Variants in PCDH7 observed in about 807,000 individuals in gnomAD.
PCDH7 encodes protocadherin-7.
In PCDH7, 17 loss-of-function variants were observed where a neutral mutation model predicts 58.9. The ratio of observed to expected loss-of-function variants is 0.29; its 90% CI spans 0.20 to 0.43. The LOEUF (loss-of-function observed/expected upper bound fraction) is 0.43. Ranked by LOEUF, PCDH7 falls within the 20% of genes least tolerant of loss-of-function variation. The pLI is 1.00. For missense variants in PCDH7, 1,274 were observed against 1,441.0 expected (o/e 0.88, Z 1.88); for synonymous variants, 664 against 616.4 (o/e 1.08, Z -1.14).
intron 1 of PCDH7, among the ~76,000 whole-genome samples, chr4:30,803,680 C>G (rs1725821213): frequency 6.6e-6 from 1 of 152,202 alleles, no homozygotes; most frequent in African/African-American, 2.4e-5. Context: ...TTAAAACCAT[C>G]CTCCTGCCTT....
intron 3 of PCDH7, among the ~76,000 whole-genome samples, chr4:31,133,595 T>C (rs1274242168): frequency 6.6e-6 from 1 of 152,190 alleles, no homozygotes; most frequent in Non-Finnish European, 1.5e-5. Flanking sequence ...ACGCTGCTCC[T>C]TCACATGAGT....
intron 3 of PCDH7, among the ~76,000 whole-genome samples, chr4:31,101,588 C>T (rs1475672799): frequency 6.6e-6 from 1 of 152,134 alleles, no homozygotes; most frequent in African/African-American, 2.4e-5. Flanking sequence ...TCTGGAAAAC[C>T]TACTACTCTC....
intron 1 of PCDH7, among the ~76,000 whole-genome samples, chr4:30,766,684 G>A (rs1265179135): frequency 1.3e-5 from 2 of 151,816 alleles, no homozygotes; most frequent in Admixed American, 6.6e-5. Context: ...GTGTGTATAT[G>A]TGTCAGTAAG....
intron 1 of PCDH7, among the ~76,000 whole-genome samples, chr4:30,765,877 G>A (rs1180880070): frequency 6.6e-6 from 1 of 152,096 alleles, no homozygotes; most frequent in Non-Finnish European, 1.5e-5. Context: ...TGTCATTAGA[G>A]GTTTACTAGA....
chr4:31,028,837 G>A lies in PCDH7; in HGVS notation c.*7+78622G>A, dbSNP rs145838416. 6.0e-3 allele frequency among the ~76,000 whole-genome samples: 912 copies of A among 152,104 alleles called. 11 individuals carry two copies. Among genetic ancestry groups the A allele is most frequent in the African/African-American group, 0.021 (858 of 41,464 alleles). On this transcript the variant is annotated intron_variant, in intron 3 of 3. Coordinates refer to the PCDH7 transcript ENST00000509759. ...CATTCTAGAATAATTTGAGGCTTTG[G>A]GAGATAATATATTTATGAAAAAAAT...
At chr4:30,832,225 C>T (rs990830344) in intron 1 of PCDH7, among the ~76,000 whole-genome samples, 3 of 152,104 alleles carry the variant, frequency 2.0e-5, no homozygotes, top group African/African-American at 4.8e-5. Flanking sequence ...AAAAACATCC[C>T]GTGACTCCAC....
intron 3 of PCDH7, among the ~76,000 whole-genome samples, chr4:31,052,810 A>G (rs1178134079): frequency 2.0e-5 from 3 of 152,174 alleles, no homozygotes; most frequent in African/African-American, 4.8e-5. Flanking sequence ...TTGAATTTCA[A>G]ACTATTCTAA....
chr4:31,111,304 ATT>A (rs201052911), intron 3 of PCDH7, among the ~76,000 whole-genome samples: 69,244 of 141,684 alleles, frequency 0.49, 17,907 homozygotes, highest in Non-Finnish European at 0.59. Flanking sequence ...ATTTGTTACA[ATT>A]TTTTTTTTTT....
chr4:30,929,768 A>T (rs1744332434), intron 2 of PCDH7, among the ~76,000 whole-genome samples: 1 of 152,082 alleles, frequency 6.6e-6, no homozygotes, highest in Admixed American at 6.6e-5. Flanking sequence ...GCCCTATATG[A>T]TCTGAGAGCG....
intron 3 of PCDH7, among the ~76,000 whole-genome samples, chr4:31,114,644 CA>C (rs1716770902): frequency 6.6e-6 from 1 of 151,032 alleles, no homozygotes; most frequent in African/African-American, 2.4e-5. Flanking sequence ...CACACACACA[CA>C]CACACACACA....
At chr4:30,957,277 T>C (rs1271771693) in intron 3 of PCDH7, among the ~76,000 whole-genome samples, 1 of 152,154 alleles carries the variant, frequency 6.6e-6, no homozygotes, top group Non-Finnish European at 1.5e-5. Flanking sequence ...AAAAGAATTA[T>C]AAACACAAGC....
At chr4:30,975,085 G>C (rs1273343318) in intron 3 of PCDH7, among the ~76,000 whole-genome samples, 1 of 151,762 alleles carries the variant, frequency 6.6e-6, no homozygotes. Flanking sequence ...CCCTGAGGAG[G>C]AGAGAGACAA....
chr4:30,945,512 C>A (rs1050382073), intron 2 of PCDH7, among the ~76,000 whole-genome samples: 2 of 151,966 alleles, frequency 1.3e-5, no homozygotes, highest in Admixed American at 1.3e-4. Context: ...ATATAGAATT[C>A]ATAATTATTC....
At chr4:30,799,235 TTAGAGCTGAAAG>T (rs1319188061) in intron 1 of PCDH7, among the ~76,000 whole-genome samples, 1 of 152,186 alleles carries the variant, frequency 6.6e-6, no homozygotes, top group Non-Finnish European at 1.5e-5. Flanking sequence ...CTTCAATCTG[TTAGAGCTGAAAG>T]GGCCTATGGC....
intron 3 of PCDH7, among the ~76,000 whole-genome samples, chr4:31,127,497 T>A (rs1718444192): frequency 6.6e-6 from 1 of 152,184 alleles, no homozygotes; most frequent in South Asian, 2.1e-4. Context: ...CCTCCTTTTT[T>A]AAAGGGTCTG....
chr4:30,877,687 A>C (rs11935059), intron 1 of PCDH7, among the ~76,000 whole-genome samples: 1 of 151,846 alleles, frequency 6.6e-6, no homozygotes, highest in Admixed American at 6.6e-5. Flanking sequence ...GTTTTCCTAA[A>C]ATTTCATTCT....
intron 3 of PCDH7, among the ~76,000 whole-genome samples, chr4:31,043,128 T>C (rs953933000): frequency 6.6e-6 from 1 of 152,156 alleles, no homozygotes; most frequent in Non-Finnish European, 1.5e-5. Context: ...AATCACCTCT[T>C]AAAGACCTCA....
At chr4:30,971,311 C>T (rs927536442) in intron 3 of PCDH7, among the ~76,000 whole-genome samples, 1 of 152,158 alleles carries the variant, frequency 6.6e-6, no homozygotes, top group Non-Finnish European at 1.5e-5. Context: ...TCCATGTAGA[C>T]TGAAACCAAG....
intron 3 of PCDH7, among the ~76,000 whole-genome samples, chr4:31,108,776 A>T (rs2109308782): frequency 6.6e-6 from 1 of 152,286 alleles, no homozygotes; most frequent in Admixed American, 6.5e-5. Flanking sequence ...TATATGCATT[A>T]GTCATATAAG....
Sources: gnomAD v4.1 joint callset for allele counts (sites outside exome capture counted in the v4.1 genomes callset) on GRCh38, gnomAD v4.1.1 for gene constraint, MANE v1.5 for transcripts, NCBI Gene and HGNC (gene_info 2026-07-23, HGNC 2026-07-21) for gene names.